Variants in AKAP17A observed in about 807,000 individuals in gnomAD.
AKAP17A encodes A-kinase anchoring protein 17A, also known as A-kinase anchor protein 17A.
In AKAP17A, 15 loss-of-function variants were observed where a neutral mutation model predicts 52.2. That is an observed-to-expected ratio of 0.29 (90% CI 0.19 to 0.44). The LOEUF (loss-of-function observed/expected upper bound fraction) is 0.44, where lower values mean the gene tolerates loss of function less well. AKAP17A is among the 20% of genes least tolerant of loss of function. The pLI is 1.00. For missense variants in AKAP17A, 1,060 were observed against 1,007.0 expected (o/e 1.05, Z -0.71); for synonymous variants, 514 against 424.7 (o/e 1.21, Z -2.58).
intron 1 of AKAP17A, among the ~76,000 whole-genome samples, 165 bp from the exon 2 acceptor site, chrX:1,593,279 C>T (rs1416895919): frequency 6.6e-6 from 1 of 152,154 alleles, no homozygotes; most frequent in African/African-American, 2.4e-5. Flanking sequence ...GTAAAGAACT[C>T]CGTTGAGATG....
In AKAP17A at chrX:1,595,337, G is replaced by A. The variant is rs199618666; in HGVS notation, c.763-47G>A. ...GGAGAGGGCGCCTGGCCGTGTGTCT[G>A]GGGGGTTTTGGGGGAAGGCCATCTG... is the stretch of plus-strand genomic sequence containing the variant. On this transcript the variant is annotated intron_variant, in intron 2 of 4. Coordinates refer to ENST00000313871, the MANE Select transcript of AKAP17A (RefSeq NM_005088.3). The A allele has an allele frequency of 9.8e-4, 1,580 of 1,610,618 alleles. 2 individuals are homozygous for A. The highest frequency in any genetic ancestry group is 1.1e-3 in the Non-Finnish European group (1,351 of 1,178,504).
chrX:1,602,384 GT>G lies in AKAP17A; in HGVS notation c.*794del, dbSNP rs1362850022. ...CAAACAGATTTCAGGCTGCAAACTTGTTTTATAATCGTTTGCTTCTCCAAGT... is the reference window on the plus strand; with the variant it reads ...CAAACAGATTTCAGGCTGCAAACTTGTTTATAATCGTTTGCTTCTCCAAGT... On this transcript the variant is annotated 3_prime_UTR_variant, in exon 5 of 5. Transcript: ENST00000313871. 2 of 152,132 alleles carry G rather than the reference GT, an allele frequency of 1.3e-5. No individual in the cohort carries two copies. Among genetic ancestry groups the G allele is most frequent in the Non-Finnish European group, 2.9e-5 (2 of 68,012 alleles). 9.4% of individuals were successfully genotyped at this position (152,132 alleles called of 1,614,324 possible).
At position 1,594,095 on chromosome X, in the gene AKAP17A, G is replaced by A. The variant is rs750747761; in HGVS notation, c.633G>A (p.Gly211=). Residue 211 remains glycine (G), a synonymous_variant, in exon 2 of 5, where the codon GGG becomes GGA. Coordinates refer to ENST00000313871, the MANE Select transcript of AKAP17A (RefSeq NM_005088.3). ...GRNFHTFSFG[G]HLNFEAYVQY... The stretch of plus-strand genomic sequence containing the variant: ...ACTTCCACACCTTCAGTTTCGGGGG[G>A]CACTTGAACTTCGAGGCCTATGTGC... 36 of 1,613,562 alleles carry A rather than the reference G, an allele frequency of 2.2e-5. No individual in the cohort carries two copies. Among genetic ancestry groups the A allele is most frequent in the South Asian group, 4.4e-5 (4 of 91,032 alleles).
chrX:1,599,538 G>A lies in AKAP17A; in HGVS notation c.1152+106G>A, dbSNP rs1182689155. 11 of 1,490,176 alleles carry A rather than the reference G, an allele frequency of 7.4e-6. No individual in the cohort carries two copies. The African/African-American group carries it at 1.4e-4, about 19-fold the overall frequency. 92.3% of individuals were successfully genotyped at this position (1,490,176 alleles called of 1,614,324 possible). A position where few individuals can be genotyped will look rare whatever the true frequency, so the allele number is the denominator to read the frequency against. On this transcript the variant is annotated intron_variant, in intron 4 of 4. Transcript: ENST00000313871. Reference sequence around the variant, plus strand: ...CGGCGCCGTTTCCCCGCCGGCTGCAGCTGTAGCTACGAAACCAGCTTTAAT... The same window carrying A: ...CGGCGCCGTTTCCCCGCCGGCTGCAACTGTAGCTACGAAACCAGCTTTAAT...
At chrX:1,599,064 G>C (rs1933193631) in intron 3 of AKAP17A, 128 bp from the exon 4 acceptor site, 11 of 1,431,466 alleles carry the variant, frequency 7.7e-6, no homozygotes, top group Non-Finnish European at 1.0e-5. Flanking sequence ...GTCCACCTTG[G>C]GATAAAGAGT....
rs1203958204 is a variant in AKAP17A at position 1,601,949 on chromosome X, G to A, written c.*355G>A. On this transcript the variant is annotated 3_prime_UTR_variant, in exon 5 of 5. Coordinates refer to ENST00000313871, the MANE Select transcript of AKAP17A (RefSeq NM_005088.3). ...CACACGGGGATTTCTGTGTCTGCTT[G>A]GCGACCTCCCTGCGTGCACGGCCTA... The A allele has an allele frequency of 7.6e-6, 2 of 261,706 alleles. No homozygotes were observed. 16.2% of individuals were successfully genotyped at this position (261,706 alleles called of 1,614,324 possible).
At chrX:1,597,436 C>G (rs781692231) in intron 3 of AKAP17A, among the ~76,000 whole-genome samples, 2 of 152,240 alleles carry the variant, frequency 1.3e-5, no homozygotes, top group Admixed American at 1.3e-4. Context: ...TGCTGCGTCG[C>G]CATCCTGGGA....
chrX:1,597,320 C>A (rs771892653), intron 3 of AKAP17A, among the ~76,000 whole-genome samples: 1 of 152,112 alleles, frequency 6.6e-6, no homozygotes, highest in Non-Finnish European at 1.5e-5. Flanking sequence ...AGTGTGTAAG[C>A]GAGTGGCCGT....
rs141304647 is a variant in AKAP17A, at chrX:1,601,106, G to A, written c.1600G>A (p.Glu534Lys). ...EVQSSCRVVP[E>K]DGSPEKRCPG... ...TCAGAGCTCCTGTCGTGTGGTCCCC[G>A]AGGATGGCTCTCCAGAGAAGAGGTG... Residue 534 changes from glutamate (E) to lysine (K), a missense_variant, in exon 5 of 5, where the codon GAG becomes AAG. Coordinates refer to ENST00000313871, the MANE Select transcript of AKAP17A (RefSeq NM_005088.3). 244 of 1,613,850 alleles carry A rather than the reference G, an allele frequency of 1.5e-4. 1 individual carries two copies. The highest frequency in any genetic ancestry group is 3.3e-4 in the Middle Eastern group (2 of 6,052).
At chrX:1,597,765 AGT>A (rs1447808628) in intron 3 of AKAP17A, among the ~76,000 whole-genome samples, 15 of 151,372 alleles carry the variant, frequency 9.9e-5, no homozygotes, top group African/African-American at 3.7e-4. Context: ...GGAGTAGTGG[AGT>A]GTGTCTCTGC....
chrX:1,592,076 A>G (rs1216532892), intron 1 of AKAP17A, among the ~76,000 whole-genome samples: 1 of 145,688 alleles, frequency 6.9e-6, no homozygotes, highest in African/African-American at 2.6e-5. Context: ...GAGGGCTGGG[A>G]GCTCGGGGGA....
At chrX:1,594,701 C>T (rs1160210087) in intron 2 of AKAP17A, among the ~76,000 whole-genome samples, 1 of 151,922 alleles carries the variant, frequency 6.6e-6, no homozygotes, top group African/African-American at 2.4e-5. Flanking sequence ...TCAGTGCATC[C>T]TCCGCCTCCT....
chrX:1,592,256 C>T (rs181474991), intron 1 of AKAP17A, among the ~76,000 whole-genome samples: 67 of 151,788 alleles, frequency 4.4e-4, no homozygotes, highest in South Asian at 1.5e-3. Context: ...GAGCGGGGAA[C>T]TGAGGAGCTG....
In AKAP17A at chrX:1,600,931, G is replaced by T. The variant is rs200853263; in HGVS notation, c.1425G>T (p.Ser475=). 6.3e-7 allele frequency: 1 copy of T among 1,576,562 alleles called. No homozygotes were observed. The highest frequency in any genetic ancestry group is 8.6e-7 in the Non-Finnish European group (1 of 1,164,598). The change falls in exon 5 of 5, where the codon TCG becomes TCT. Residue 475 remains serine (S), a synonymous_variant. Coordinates refer to ENST00000313871, the MANE Select transcript of AKAP17A (RefSeq NM_005088.3). ...TCCTGGACATCCTGCAGACCGTGTC[G>T]TCCGGCTGTGTGAGCGCCACCACGC... The part of the protein sequence containing the change: ...QPVLDILQTV[S]SGCVSATTLH...
intron 3 of AKAP17A, among the ~76,000 whole-genome samples, chrX:1,598,529 G>C (rs1933150290): frequency 6.6e-6 from 1 of 152,142 alleles, no homozygotes. Context: ...GGTGTTGGTT[G>C]AAATGCATTT....
chrX:1,598,200 T>TCACAGGG (rs59045404), intron 3 of AKAP17A, among the ~76,000 whole-genome samples: 6,280 of 152,208 alleles, frequency 0.041, 417 homozygotes, highest in African/African-American at 0.14. Flanking sequence ...CGGTGACAGC[T>TCACAGGG]CACAGGGCGG....
Position 1,593,565 on chromosome X carries a change from G to T in AKAP17A, c.103G>T (p.Ala35Ser). 6.2e-7 allele frequency: 1 copy of T among 1,613,752 alleles called. No homozygotes were observed. The highest frequency in any genetic ancestry group is 8.5e-7 in the Non-Finnish European group (1 of 1,179,878). ...CATCACCAAGATGACCATCAGCGTG[G>T]CACTCCCGCAGCTGAAGCAGCCGGG... ...KPITKMTISV[A>S]LPQLKQPGKS... The change falls in exon 2 of 5, where the codon GCA becomes TCA. Residue 35 changes from alanine to serine, a missense_variant. Transcript: ENST00000313871.
In AKAP17A at chrX:1,594,706, C is replaced by G. The variant is rs149179828; in HGVS notation, c.762+482C>G. Among the ~76,000 whole-genome samples the G allele has an allele frequency of 4.9e-3, 744 of 152,066 alleles. 7 individuals carry two copies. Among genetic ancestry groups the G allele is most frequent in the African/African-American group, 0.017 (711 of 41,462 alleles). ...CAATCTTTGCTCAGTGCATCCTCCG[C>G]CTCCTGGGTTCGAGCGATTCTTCTG... On this transcript the variant is annotated intron_variant, in intron 2 of 4. Coordinates refer to ENST00000313871, the MANE Select transcript of AKAP17A (RefSeq NM_005088.3).
intron 1 of AKAP17A, 46 bp downstream of exon 1, chrX:1,591,815 A>G (rs2092754612): frequency 6.8e-6 from 1 of 146,050 alleles, no homozygotes; most frequent in South Asian, 2.2e-4. Context: ...CAGCCGGCGA[A>G]CGCTTCGCTC....
Sources: gnomAD v4.1 joint callset for allele counts (sites outside exome capture counted in the v4.1 genomes callset) on GRCh38, gnomAD v4.1.1 for gene constraint, MANE v1.5 for transcripts, NCBI Gene and HGNC (gene_info 2026-07-23, HGNC 2026-07-21) for gene names.